The following FGF13 variants were observed in gnomAD, a reference collection of about 807,000 sequenced individuals.
FGF13 encodes fibroblast growth factor 13.
Under a neutral mutation model 19.5 loss-of-function variants are expected in FGF13, and 2 were observed. The ratio of observed to expected loss-of-function variants is 0.10; its 90% CI spans 0.04 to 0.32. The LOEUF (loss-of-function observed/expected upper bound fraction) is 0.32, where lower values mean the gene tolerates loss of function less well. FGF13 is among the 10% of genes least tolerant of loss of function. The pLI is 1.00. For missense variants in FGF13, 113 were observed against 192.7 expected (o/e 0.59, Z 2.45); for synonymous variants, 72 against 76.9 (o/e 0.94, Z 0.33).
intron 3 of FGF13, among the ~76,000 whole-genome samples, chrX:138,662,242 T>C (rs1472055969): frequency 9.0e-6 from 1 of 111,698 alleles, no homozygotes; most frequent in Non-Finnish European, 1.9e-5. Flanking sequence ...CCATTGTTCG[T>C]TTAATTTCAT....
At chrX:138,648,375 G>A (rs773381195) in intron 3 of FGF13, among the ~76,000 whole-genome samples, 109 of 111,497 alleles carry the variant, frequency 9.8e-4, no homozygotes, top group African/African-American at 3.5e-3. Flanking sequence ...GGGCGTTCAA[G>A]GCCCTCCACA....
intron 3 of FGF13, among the ~76,000 whole-genome samples, chrX:138,655,005 G>A: frequency 9.0e-6 from 1 of 111,272 alleles, no homozygotes; most frequent in Middle Eastern, 4.2e-3. Context: ...GAGGAGTGAG[G>A]CTGCTCCTCC....
At chrX:139,076,442 G>A in intron 1 of FGF13, among the ~76,000 whole-genome samples, 1 of 110,824 alleles carries the variant, frequency 9.0e-6, no homozygotes, top group Non-Finnish European at 1.9e-5. Context: ...ATCTAAAAAG[G>A]TAAAAAAAAC....
At chrX:139,106,174 CA>C (rs2083558792) in intron 1 of FGF13, among the ~76,000 whole-genome samples, 1 of 112,079 alleles carries the variant, frequency 8.9e-6, no homozygotes, top group Non-Finnish European at 1.9e-5. Flanking sequence ...ATGTACATGA[CA>C]GGCATCTTCC....
intron 1 of FGF13, among the ~76,000 whole-genome samples, chrX:138,869,574 G>T (rs935122454): frequency 1.8e-5 from 2 of 111,825 alleles, no homozygotes; most frequent in South Asian, 3.8e-4. Flanking sequence ...GTTCAATTTG[G>T]CCCCAACATT....
At chrX:138,867,965 G>A (rs1295053520) in intron 1 of FGF13, among the ~76,000 whole-genome samples, 1 of 111,541 alleles carries the variant, frequency 9.0e-6, no homozygotes, top group Non-Finnish European at 1.9e-5. Flanking sequence ...GGCCTCACAC[G>A]AACTTCACTT....
At chrX:138,983,505 T>C (rs1245257187) in intron 1 of FGF13, among the ~76,000 whole-genome samples, 2 of 105,441 alleles carry the variant, frequency 1.9e-5, no homozygotes, top group Non-Finnish European at 3.9e-5. Context: ...GGATGGCTAC[T>C]ATCAAAACAA....
chrX:138,633,246 T>TA (rs1213222241), intron 4 of FGF13, among the ~76,000 whole-genome samples: 1 of 110,921 alleles, frequency 9.0e-6, no homozygotes, highest in Non-Finnish European at 1.9e-5. Flanking sequence ...AAAAATACAT[T>TA]AAAAAAATGG....
intron 1 of FGF13, among the ~76,000 whole-genome samples, chrX:139,163,756 T>C (rs5976296): frequency 0.12 from 12,805 of 110,933 alleles, 1,199 homozygotes; most frequent in African/African-American, 0.32. Context: ...ATTTCTATTA[T>C]TATTTGGGTT....
At chrX:138,683,399 ACTCTCTCT>A (rs756855993) in intron 3 of FGF13, among the ~76,000 whole-genome samples, 1 of 104,576 alleles carries the variant, frequency 9.6e-6, no homozygotes, top group Non-Finnish European at 2.0e-5. Flanking sequence ...ACACAAACAC[ACTCTCTCT>A]CTCTCTCTCA....
chrX:138,768,712 T>TCATACATACATAC lies in FGF13; in HGVS notation c.218-59785_218-59784insGTATGTATGTATG, dbSNP rs1459530092. On this transcript the variant is annotated intron_variant, in intron 3 of 6. Transcript: ENST00000436198. Reference sequence around the variant, plus strand: ...TATATAAGTATATATTATATATATATATATAAGTATATATTATATATATAT... The same window carrying TCATACATACATAC: ...TATATAAGTATATATTATATATATATCATACATACATACATATAAGTATATATTATATATATAT... 2.6e-3 allele frequency among the ~76,000 whole-genome samples: 263 copies of TCATACATACATAC among 100,199 alleles called. 3 individuals are homozygous for TCATACATACATAC. Among genetic ancestry groups the TCATACATACATAC allele is most frequent in the African/African-American group, 9.4e-3 (244 of 26,035 alleles). The allele number at this position is 100,199 out of a possible 115,157, so 87.0% of individuals were successfully genotyped here.
At chrX:138,911,959 T>C (rs2091590317) in intron 1 of FGF13, among the ~76,000 whole-genome samples, 1 of 112,045 alleles carries the variant, frequency 8.9e-6, no homozygotes. Context: ...TGGTTTGAAG[T>C]AAAAGGGAGT....
chrX:138,778,320 G>A (rs1243770341), intron 3 of FGF13, among the ~76,000 whole-genome samples: 1 of 111,192 alleles, frequency 9.0e-6, no homozygotes, highest in African/African-American at 3.3e-5. Flanking sequence ...AGACAAGATG[G>A]CCGAATAGGA....
intron 1 of FGF13, among the ~76,000 whole-genome samples, chrX:138,710,033 T>C (rs1405270159): frequency 9.0e-6 from 1 of 111,091 alleles, no homozygotes; most frequent in Non-Finnish European, 1.9e-5. Context: ...AACTGCATGC[T>C]CGCCTGAAGG....
chrX:138,635,494 G>C lies in FGF13; in HGVS notation c.564C>G (p.Asn188Lys). 1 of 1,211,731 alleles carries C rather than the reference G, an allele frequency of 8.3e-7. No homozygotes were observed. The highest frequency in any genetic ancestry group is 1.1e-6 in the Non-Finnish European group (1 of 895,441). The change falls in exon 4 of 5, where the codon AAC becomes AAG. Residue 188 changes from asparagine to lysine, a missense_variant. By Grantham distance (94) the Asn-to-Lys change is moderately conservative. Coordinates refer to ENST00000315930, the MANE Select transcript of FGF13 (RefSeq NM_004114.5). The part of the protein sequence containing the change: ...EIMKGNHVKK[N>K]KPAAHFLPKP... ...TAGGCAGAAAATGAGCTGCAGGCTT[G>C]TTCTTCTTCACATGGTTGCCTTTCA...
At chrX:139,004,013 C>T (rs982166481) in intron 1 of FGF13, among the ~76,000 whole-genome samples, 30 of 112,471 alleles carry the variant, frequency 2.7e-4, no homozygotes, top group Non-Finnish European at 4.7e-4. Context: ...GCCAGTACTG[C>T]GCCGTGCACT....
intron 1 of FGF13, among the ~76,000 whole-genome samples, chrX:139,161,507 C>A (rs2084033436): frequency 9.0e-6 from 1 of 111,379 alleles, no homozygotes; most frequent in Non-Finnish European, 1.9e-5. Context: ...AATATACTCT[C>A]TCTTAGCCCT....
At chrX:138,673,829 C>T in intron 3 of FGF13, among the ~76,000 whole-genome samples, 2 of 109,809 alleles carry the variant, frequency 1.8e-5, no homozygotes, top group South Asian at 8.0e-4. Flanking sequence ...TAAGAGCTGG[C>T]CTTATATAAG....
chrX:139,098,165 T>A (rs1004086410), intron 1 of FGF13, among the ~76,000 whole-genome samples: 1 of 111,488 alleles, frequency 9.0e-6, no homozygotes, highest in African/African-American at 3.3e-5. Context: ...ACAGCGAGCA[T>A]GGGCCAGGTT....
Sources: gnomAD v4.1 joint callset for allele counts (sites outside exome capture counted in the v4.1 genomes callset) on GRCh38, gnomAD v4.1.1 for gene constraint, MANE v1.5 for transcripts, NCBI Gene and HGNC (gene_info 2026-07-23, HGNC 2026-07-21) for gene names.